The following PACSIN2 variants were observed in gnomAD, a reference collection of about 807,000 sequenced individuals.
PACSIN2 encodes protein kinase C and casein kinase substrate in neurons protein 2.
In PACSIN2, 25 loss-of-function variants were observed where a neutral mutation model predicts 63.8. That is an observed-to-expected ratio of 0.39 (90% CI 0.29 to 0.55). PACSIN2 has a LOEUF of 0.55. Among genes scored for constraint, PACSIN2 ranks in the 20% least tolerant of loss-of-function variants. The pLI is 0.62. For synonymous variants in PACSIN2, 255 were observed against 256.2 expected, an observed-to-expected ratio of 1.00 and a Z score of 0.05; for missense variants, 518 against 646.9, an observed-to-expected ratio of 0.80 and a Z score of 2.16.
At chr22:42,875,034 T>C (rs1373334639) in intron 10 of PACSIN2, among the ~76,000 whole-genome samples, 2 of 151,738 alleles carry the variant, frequency 1.3e-5, no homozygotes, top group East Asian at 3.9e-4. Context: ...GTATTTTTAG[T>C]AGAGACGGGG....
intron 1 of PACSIN2, among the ~76,000 whole-genome samples, chr22:42,962,183 C>CT (rs3046541): frequency 0.02 from 2,911 of 147,758 alleles, 64 homozygotes; most frequent in East Asian, 0.076. Context: ...TACCAGAAAA[C>CT]TTTTTTTTTT....
At chr22:43,003,880 G>A (rs555274623) in intron 1 of PACSIN2, among the ~76,000 whole-genome samples, 4 of 152,084 alleles carry the variant, frequency 2.6e-5, no homozygotes, top group Non-Finnish European at 5.9e-5. Flanking sequence ...GTGTACCAGC[G>A]AGTCACCCAC....
chr22:42,939,780 C>T (rs1313668358), intron 1 of PACSIN2, among the ~76,000 whole-genome samples: 2 of 152,148 alleles, frequency 1.3e-5, no homozygotes, highest in Non-Finnish European at 2.9e-5. Flanking sequence ...CACTCCCTGG[C>T]CAGCCTAGTT....
intron 1 of PACSIN2, among the ~76,000 whole-genome samples, chr22:42,956,122 GA>G (rs1310982021): frequency 9.2e-5 from 14 of 152,102 alleles, no homozygotes; most frequent in Non-Finnish European, 4.4e-5. Context: ...ATCCTGATGG[GA>G]AACATGACTG....
At chr22:42,915,455 C>T (rs1931748683) in intron 1 of PACSIN2, among the ~76,000 whole-genome samples, 2 of 152,152 alleles carry the variant, frequency 1.3e-5, no homozygotes, top group African/African-American at 4.8e-5. Context: ...TAGCACTGCA[C>T]TCAGCAACAG....
chr22:42,958,205 C>T (rs1192709833), intron 1 of PACSIN2, among the ~76,000 whole-genome samples: 1 of 151,904 alleles, frequency 6.6e-6, no homozygotes, highest in African/African-American at 2.4e-5. Flanking sequence ...GTTTCAGACT[C>T]ACTCGGCTAC....
At chr22:43,001,183 C>A (rs562345619) in intron 1 of PACSIN2, among the ~76,000 whole-genome samples, 44 of 152,342 alleles carry the variant, frequency 2.9e-4, no homozygotes, top group African/African-American at 1.0e-3. Context: ...GCAGGGATTT[C>A]TCAGGGAAAT....
In PACSIN2 at chr22:42,891,119, C is replaced by T; in HGVS notation, c.281G>A (p.Ser94Asn). Residue 94 changes from serine (S) to asparagine (N), a missense_variant, in exon 4 of 11, where the codon AGC becomes AAC. Ser to Asn is a conservative substitution (Grantham distance 46, BLOSUM62 1). Coordinates refer to ENST00000263246, the MANE Select transcript of PACSIN2 (RefSeq NM_001184970.3). ...MAFMSEAERV[S>N]ELHLEVKASL... ...GGCCTTCACCTCGAGGTGCAGCTCG[C>T]TCACCCTCTCTGCCTCGGACATGAA... The T allele has an allele frequency of 6.2e-7, 1 of 1,614,134 alleles. No homozygotes were observed. The highest frequency in any genetic ancestry group is 8.5e-7 in the Non-Finnish European group (1 of 1,180,008).
intron 1 of PACSIN2, among the ~76,000 whole-genome samples, chr22:42,968,591 C>G (rs1419570253): frequency 6.6e-6 from 1 of 152,114 alleles, no homozygotes; most frequent in Non-Finnish European, 1.5e-5. Flanking sequence ...CTAGTAAAGC[C>G]TGATTTTGGG....
intron 1 of PACSIN2, among the ~76,000 whole-genome samples, chr22:42,994,033 G>A (rs540807745): frequency 6.6e-6 from 1 of 152,292 alleles, no homozygotes; most frequent in Admixed American, 6.5e-5. Context: ...ATTCCTCCAG[G>A]CTAAAGTCCA....
intron 1 of PACSIN2, among the ~76,000 whole-genome samples, chr22:42,981,101 A>G (rs1922076365): frequency 7.9e-6 from 1 of 126,386 alleles, no homozygotes. Flanking sequence ...CCGGCCGCCC[A>G]TCGTCTGAGA....
intron 2 of PACSIN2, among the ~76,000 whole-genome samples, chr22:42,896,935 T>G (rs770651404): frequency 1.3e-5 from 2 of 152,232 alleles, no homozygotes. Flanking sequence ...GAGTAAAGTT[T>G]GTTCCTTTTT....
chr22:42,971,651 C>A (rs1921282109), intron 1 of PACSIN2, among the ~76,000 whole-genome samples: 1 of 152,040 alleles, frequency 6.6e-6, no homozygotes, highest in Non-Finnish European at 1.5e-5. Flanking sequence ...AGCGTCTCTG[C>A]CCGGCCGCCC....
intron 3 of PACSIN2, among the ~76,000 whole-genome samples, chr22:42,893,187 C>T (rs80286931): frequency 0.019 from 2,888 of 152,322 alleles, 42 homozygotes; most frequent in Non-Finnish European, 0.031. Context: ...TGAGTTAACT[C>T]GGCAAGTGCA....
At chr22:42,909,537 C>G (rs747390848) in intron 2 of PACSIN2, 3 of 470,998 alleles carry the variant, frequency 6.4e-6, no homozygotes, top group Admixed American at 4.7e-5. Context: ...AGAAGGCGGA[C>G]GACCACAGCA....
chr22:42,883,501 G>GT (rs1385099356), intron 6 of PACSIN2, among the ~76,000 whole-genome samples: 2 of 152,210 alleles, frequency 1.3e-5, no homozygotes, highest in African/African-American at 4.8e-5. Context: ...CTCTGCCCTG[G>GT]TGAAGGCATC....
At chr22:42,960,753 T>C (rs1165443945) in intron 1 of PACSIN2, among the ~76,000 whole-genome samples, 4 of 152,174 alleles carry the variant, frequency 2.6e-5, no homozygotes, top group Admixed American at 6.5e-5. Flanking sequence ...TTTGGAGCTG[T>C]GCTGTGGCTC....
rs1395703635 is a variant in PACSIN2, at chr22:42,891,097, C to T, written c.303G>A (p.Lys101=). ...CGAAGTCATCGTTCATCAGTGAGGCCTTCACCTCGAGGTGCAGCTCGCTCA... is the reference window on the plus strand; with the variant it reads ...CGAAGTCATCGTTCATCAGTGAGGCTTTCACCTCGAGGTGCAGCTCGCTCA... ...ERVSELHLEV[K]ASLMNDDFEK... The change falls in exon 4 of 11, where the codon AAG becomes AAA. Residue 101 remains lysine (K), a synonymous_variant. Coordinates refer to ENST00000263246, the MANE Select transcript of PACSIN2 (RefSeq NM_001184970.3). 1.3e-5 allele frequency: 21 copies of T among 1,614,026 alleles called. No individual in the cohort carries two copies. Among genetic ancestry groups the T allele is most frequent in the Non-Finnish European group, 1.6e-5 (19 of 1,180,026 alleles).
chr22:42,932,330 A>C (rs201945032), intron 1 of PACSIN2, among the ~76,000 whole-genome samples: 1 of 152,186 alleles, frequency 6.6e-6, no homozygotes, highest in Admixed American at 6.5e-5. Context: ...CACACCTCCC[A>C]CCACCACCAA....
Sources: allele counts gnomAD v4.1 joint callset (sites outside exome capture counted in the v4.1 genomes callset), GRCh38; gene constraint gnomAD v4.1.1; transcripts MANE v1.5; gene names NCBI Gene and HGNC (gene_info 2026-07-23, HGNC 2026-07-21).